PDE1A: variants seen among roughly 807,000 people sequenced by gnomAD.
PDE1A encodes the protein phosphodiesterase 1A.
PDE1A carries 35 observed loss-of-function variants against 61.7 expected under a neutral mutation model. That is an observed-to-expected ratio of 0.57 (90% CI 0.43 to 0.75). The LOEUF (loss-of-function observed/expected upper bound fraction) is 0.75, where lower values mean the gene tolerates loss of function less well. Ranked by LOEUF, PDE1A falls within the 30% of genes least tolerant of loss-of-function variation. The probability of loss-of-function intolerance (pLI) is 0.00; values close to 1 mark genes in which losing one functional copy is unlikely to be tolerated. For synonymous variants in PDE1A, 232 were observed against 213.2 expected (o/e 1.09, Z -0.77); for missense variants, 597 against 630.6 (o/e 0.95, Z 0.57).
chr2:182,383,339 C>T (rs991167871), intron 1 of PDE1A, among the ~76,000 whole-genome samples: 1 of 152,134 alleles, frequency 6.6e-6, no homozygotes, highest in Non-Finnish European at 1.5e-5. Context: ...ATATTTCCAT[C>T]ATCTCAAATA....
chr2:182,617,203 G>A, the PDE1A span, among the ~76,000 whole-genome samples: 7 of 152,140 alleles, frequency 4.6e-5, no homozygotes, highest in Non-Finnish European at 1.0e-4. Flanking sequence ...GACCTCTGAA[G>A]GGGCTGGAGT....
chr2:182,403,717 A>G (rs970662934), intron 1 of PDE1A, among the ~76,000 whole-genome samples: 1 of 152,102 alleles, frequency 6.6e-6, no homozygotes, highest in African/African-American at 2.4e-5. Flanking sequence ...CCTCATTCTC[A>G]GCAAACTAAC....
the PDE1A span, among the ~76,000 whole-genome samples, chr2:182,587,751 T>G: frequency 7.9e-5 from 12 of 152,348 alleles, no homozygotes; most frequent in Non-Finnish European, 1.6e-4. Context: ...CTGGGGAATT[T>G]CTGAGCCACA....
chr2:182,606,002 T>C, the PDE1A span, among the ~76,000 whole-genome samples: 1 of 152,186 alleles, frequency 6.6e-6, no homozygotes, highest in Non-Finnish European at 1.5e-5. Context: ...CCTGTGACTT[T>C]GTCAATAGGA....
the PDE1A span, among the ~76,000 whole-genome samples, chr2:182,677,816 A>G: frequency 1.3e-5 from 2 of 152,226 alleles, no homozygotes; most frequent in African/African-American, 4.8e-5. Flanking sequence ...CTGGCTAGCC[A>G]TATGCAGAAG....
At chr2:182,252,520 CAGAG>C (rs1691474809) in intron 2 of PDE1A, among the ~76,000 whole-genome samples, 1 of 13,682 alleles carries the variant, frequency 7.3e-5, no homozygotes, top group African/African-American at 1.1e-3. Context: ...GTAAAGTTTC[CAGAG>C]TAAAGTTTCC....
chr2:182,152,412 CTTTTTTTTTTTT>C (rs559392112), intron 13 of PDE1A, among the ~76,000 whole-genome samples: 15 of 75,298 alleles, frequency 2.0e-4, no homozygotes, highest in East Asian at 1.3e-3. Flanking sequence ...TTTTTTTCCT[CTTTTTTTTTTTT>C]TTTTTTTTTT....
At chr2:182,342,775 T>C (rs1698276633) in intron 1 of PDE1A, among the ~76,000 whole-genome samples, 1 of 152,234 alleles carries the variant, frequency 6.6e-6, no homozygotes, top group South Asian at 2.1e-4. Flanking sequence ...ATCATTTATA[T>C]GGAACCATAT....
the PDE1A span, among the ~76,000 whole-genome samples, chr2:182,562,996 C>T: frequency 6.6e-6 from 1 of 152,100 alleles, no homozygotes; most frequent in Admixed American, 6.5e-5. Flanking sequence ...TTGATCCTTT[C>T]GAAAAACCAC....
At chr2:182,474,807 C>G (rs1006925719) in intron 2 of PDE1A, among the ~76,000 whole-genome samples, 1 of 151,920 alleles carries the variant, frequency 6.6e-6, no homozygotes, top group Non-Finnish European at 1.5e-5. Flanking sequence ...ACTGCCCAAG[C>G]TGATGCTGTA....
intron 13 of PDE1A, among the ~76,000 whole-genome samples, chr2:182,182,687 C>G (rs947296823): frequency 6.6e-6 from 1 of 152,038 alleles, no homozygotes; most frequent in East Asian, 1.9e-4. Flanking sequence ...ATTATTCCCA[C>G]TTGTCCAATT....
chr2:182,240,184 T>G (rs948424936), exon 3 of PDE1A: 1 of 1,614,070 alleles, frequency 6.2e-7, no homozygotes, highest in African/African-American at 1.3e-5. Flanking sequence ...GTTTCTTTTT[T>G]GTCATCCCCA....
chr2:182,593,803 C>A, the PDE1A span, among the ~76,000 whole-genome samples: 2 of 152,144 alleles, frequency 1.3e-5, no homozygotes, highest in Non-Finnish European at 2.9e-5. Context: ...AGTATGAACA[C>A]CCAATAAAGG....
intron 13 of PDE1A, 153 bp downstream of exon 13, chr2:182,185,739 T>G: frequency 7.1e-7 from 1 of 1,417,910 alleles, no homozygotes; most frequent in Non-Finnish European, 9.4e-7. Flanking sequence ...TGAGCCAACT[T>G]TCTCATGAAT....
intron 1 of PDE1A, among the ~76,000 whole-genome samples, chr2:182,349,754 A>G (rs775223922): frequency 1.3e-5 from 2 of 152,156 alleles, no homozygotes; most frequent in African/African-American, 4.8e-5. Flanking sequence ...GTGAGACTCC[A>G]TCTCAAAACA....
At chr2:182,314,332 AG>A (rs377704696) in intron 1 of PDE1A, 71 of 152,298 alleles carry the variant, frequency 4.7e-4, no homozygotes, top group African/African-American at 1.6e-3. Context: ...AGGCTGAGGC[AG>A]GGGGATTGCT....
chr2:182,390,715 A>G (rs1285394305), intron 1 of PDE1A, among the ~76,000 whole-genome samples: 1 of 152,190 alleles, frequency 6.6e-6, no homozygotes, highest in East Asian at 1.9e-4. Flanking sequence ...GTCTACTGTT[A>G]AAGTGAGGGC....
chr2:182,534,468 G>A, the PDE1A span, among the ~76,000 whole-genome samples: 1 of 151,834 alleles, frequency 6.6e-6, no homozygotes, highest in African/African-American at 2.4e-5. Flanking sequence ...TTCAGAGGAT[G>A]CTAACTAATA....
At chr2:182,490,706 G>C (rs866338699) in intron 2 of PDE1A, among the ~76,000 whole-genome samples, 31 of 152,204 alleles carry the variant, frequency 2.0e-4, no homozygotes, top group African/African-American at 7.2e-4. Context: ...AAAATATTAT[G>C]GTACACTTAT....
Sources: gnomAD v4.1 joint callset for allele counts (sites outside exome capture counted in the v4.1 genomes callset) on GRCh38, gnomAD v4.1.1 for gene constraint, MANE v1.5 for transcripts, NCBI Gene and HGNC (gene_info 2026-07-23, HGNC 2026-07-21) for gene names.